FRAS1: variants seen among roughly 807,000 people sequenced by gnomAD.
FRAS1 encodes extracellular matrix organizing protein FRAS1.
Under a neutral mutation model 435.2 loss-of-function variants are expected in FRAS1, and 290 were observed. That is an observed-to-expected ratio of 0.67 (90% CI 0.61 to 0.73). The LOEUF is 0.73. Among genes scored for constraint, FRAS1 ranks in the 30% least tolerant of loss-of-function variants. FRAS1 has a pLI of 0.00. For missense variants in FRAS1, 4,860 were observed against 5,001.5 expected (o/e 0.97, Z 0.85); for synonymous variants, 1,800 against 1,851.0 (o/e 0.97, Z 0.71).
intron 2 of FRAS1, among the ~76,000 whole-genome samples, chr4:78,198,394 A>ATTC (rs58759746): frequency 0.34 from 51,265 of 151,870 alleles, 8,663 homozygotes; most frequent in Admixed American, 0.37. Flanking sequence ...TCTTGATCTC[A>ATTC]TTCTTCTCTT....
At chr4:78,381,103 A>T (rs1417399249) in intron 27 of FRAS1, among the ~76,000 whole-genome samples, 1 of 152,142 alleles carries the variant, frequency 6.6e-6, no homozygotes, top group Non-Finnish European at 1.5e-5. Flanking sequence ...GCCAAGACTG[A>T]TTCCACAATG....
chr4:78,150,847 T>C (rs938205418), intron 2 of FRAS1, among the ~76,000 whole-genome samples: 3 of 152,246 alleles, frequency 2.0e-5, no homozygotes, highest in African/African-American at 7.2e-5. Context: ...GAAAGATGTT[T>C]GCATGTAATC....
chr4:78,361,972 A>G (rs1344606767), intron 20 of FRAS1, among the ~76,000 whole-genome samples: 5 of 152,202 alleles, frequency 3.3e-5, no homozygotes, highest in African/African-American at 7.2e-5. Flanking sequence ...AAGGGTAATT[A>G]CCACTTGAAA....
intron 43 of FRAS1, 140 bp from the exon 44 acceptor site, chr4:78,447,912 TA>T: frequency 1.5e-6 from 1 of 667,216 alleles, no homozygotes; most frequent in Non-Finnish European, 2.5e-6. Flanking sequence ...TGTAAAATGC[TA>T]AGCTGTTGGC....
chr4:78,121,421 C>G (rs1719017007), intron 2 of FRAS1, among the ~76,000 whole-genome samples: 1 of 152,164 alleles, frequency 6.6e-6, no homozygotes, highest in South Asian at 2.1e-4. Context: ...AGTGAGAACC[C>G]TGATTAGGGT....
chr4:78,119,040 A>G (rs1173664659), intron 2 of FRAS1, among the ~76,000 whole-genome samples: 3 of 152,144 alleles, frequency 2.0e-5, no homozygotes, highest in Non-Finnish European at 4.4e-5. Flanking sequence ...CTCCCAGTAT[A>G]AACATTATCT....
In FRAS1 at chr4:78,481,392, T is replaced by C. The variant is rs6817436; in HGVS notation, c.8444-412T>C. Among the ~76,000 whole-genome samples, 1,249 of 152,332 alleles carry C rather than the reference T, an allele frequency of 8.2e-3. 16 individuals are homozygous for C. Among genetic ancestry groups the C allele is most frequent in the African/African-American group, 0.029 (1,188 of 41,570 alleles). On this transcript the variant is annotated intron_variant, in intron 56 of 73. Coordinates refer to ENST00000512123, the MANE Select transcript of FRAS1 (RefSeq NM_025074.7). Reference sequence around the variant, plus strand: ...AGTCCCCTAGCTGGGTCCTCCTTAATTGACTATTTTCTGACACATCCCTGA... The same window carrying C: ...AGTCCCCTAGCTGGGTCCTCCTTAACTGACTATTTTCTGACACATCCCTGA...
At chr4:78,159,957 TAAACATTTA>T in intron 2 of FRAS1, among the ~76,000 whole-genome samples, 1 of 152,200 alleles carries the variant, frequency 6.6e-6, no homozygotes, top group South Asian at 2.1e-4. Flanking sequence ...CTCTCATTCA[TAAACATTTA>T]GAGTGTTTTC....
Position 78,475,587 on chromosome 4 carries a change from A to C in FRAS1, c.7832A>C (p.Tyr2611Ser). Residue 2611 changes from tyrosine to serine, a missense_variant, in exon 54 of 74, where the codon TAT becomes TCT. Coordinates refer to ENST00000512123, the MANE Select transcript of FRAS1 (RefSeq NM_025074.7). ...RVSSQPGQQD[Y>S]VEYAGQVQFD... ...AGCTCCCAACCTGGGCAACAGGACT[A>C]TGTAGAGTATGCTGGCCAGGTAGGT... The C allele has an allele frequency of 6.3e-7, 1 of 1,599,654 alleles. No individual in the cohort carries two copies. Among genetic ancestry groups the C allele is most frequent in the African/African-American group, 1.3e-5 (1 of 74,754 alleles).
At chr4:78,153,991 AT>A (rs535755132) in intron 2 of FRAS1, among the ~76,000 whole-genome samples, 128 of 151,786 alleles carry the variant, frequency 8.4e-4, no homozygotes, top group African/African-American at 3.0e-3. Context: ...GTTCAGCAGA[AT>A]TTTTTTTCTG....
At chr4:78,129,693 C>G (rs757747525) in intron 2 of FRAS1, among the ~76,000 whole-genome samples, 1 of 152,146 alleles carries the variant, frequency 6.6e-6, no homozygotes, top group Non-Finnish European at 1.5e-5. Flanking sequence ...CTGAGGCAAT[C>G]AAGGGTATTT....
At chr4:78,193,565 T>G (rs1435422483) in intron 2 of FRAS1, among the ~76,000 whole-genome samples, 3 of 152,186 alleles carry the variant, frequency 2.0e-5, no homozygotes, top group Non-Finnish European at 4.4e-5. Context: ...TGGTTTAAAG[T>G]CTGTTTTATC....
chr4:78,513,254 T>A, intron 64 of FRAS1, 138 bp from the exon 65 acceptor site: 1 of 746,764 alleles, frequency 1.3e-6, no homozygotes, highest in South Asian at 1.7e-5. Context: ...CAGATAGAAA[T>A]CCTACCTGGA....
At chr4:78,354,057 A>G (rs532509355) in intron 20 of FRAS1, among the ~76,000 whole-genome samples, 1 of 150,558 alleles carries the variant, frequency 6.6e-6, no homozygotes, top group Non-Finnish European at 1.5e-5. Flanking sequence ...TTCAAGATAC[A>G]TGGTAAGAGT....
intron 60 of FRAS1, 45 bp downstream of exon 60, chr4:78,497,006 A>T: frequency 6.8e-7 from 1 of 1,469,472 alleles, no homozygotes; most frequent in Middle Eastern, 1.8e-4. Flanking sequence ...TTGAGGGGAC[A>T]TAAACTGATG....
intron 20 of FRAS1, among the ~76,000 whole-genome samples, chr4:78,338,553 G>A (rs759487389): frequency 1.6e-4 from 24 of 152,152 alleles, no homozygotes; most frequent in Non-Finnish European, 2.9e-4. Flanking sequence ...TCAAACTCTG[G>A]GAAAAACTTG....
intron 59 of FRAS1, among the ~76,000 whole-genome samples, chr4:78,490,641 C>G (rs140366167): frequency 6.6e-6 from 1 of 152,284 alleles, no homozygotes; most frequent in East Asian, 1.9e-4. Flanking sequence ...ATCCCTGGAA[C>G]ACAGCTAAAG....
intron 2 of FRAS1, among the ~76,000 whole-genome samples, chr4:78,079,739 C>T (rs1184396090): frequency 3.9e-5 from 6 of 152,026 alleles, no homozygotes; most frequent in African/African-American, 9.7e-5. Flanking sequence ...ATGCTATCTC[C>T]GGCAAAAGTT....
chr4:78,200,903 G>GTATATA (rs56681096), intron 2 of FRAS1, among the ~76,000 whole-genome samples: 20 of 142,622 alleles, frequency 1.4e-4, no homozygotes, highest in South Asian at 1.3e-3. Context: ...ATATAAATAC[G>GTATATA]TATATATATA....
Sources: gnomAD v4.1 joint callset for allele counts (sites outside exome capture counted in the v4.1 genomes callset) on GRCh38, gnomAD v4.1.1 for gene constraint, MANE v1.5 for transcripts, NCBI Gene and HGNC (gene_info 2026-07-23, HGNC 2026-07-21) for gene names.